The following INPP5F variants were observed in gnomAD, a reference collection of about 807,000 sequenced individuals.
INPP5F encodes the protein phosphatidylinositide 4-phosphatase SAC2.
In INPP5F, 97 loss-of-function variants were observed where a neutral mutation model predicts 137.2. That is an observed-to-expected ratio of 0.71 (90% CI 0.60 to 0.84). INPP5F has a LOEUF of 0.84. INPP5F is among the 40% of genes least tolerant of loss of function. The pLI, the probability that INPP5F is intolerant of heterozygous loss-of-function variation, is 0.00. For missense variants in INPP5F, 1,271 were observed against 1,371.9 expected, an observed-to-expected ratio of 0.93 and a Z score of 1.16; for synonymous variants, 504 against 476.9, an observed-to-expected ratio of 1.06 and a Z score of -0.74.
rs1158714883 is a variant in INPP5F at position 119,792,082 on chromosome 10, T to G, written c.612+46T>G. 3 of 1,614,004 alleles carry G rather than the reference T, an allele frequency of 1.9e-6. No individual in the cohort carries two copies. In the African/African-American group the frequency reaches 4.0e-5, roughly 22 times the overall value. On this transcript the variant is annotated intron_variant, in intron 5 of 19. Coordinates refer to ENST00000650623, the MANE Select transcript of INPP5F (RefSeq NM_014937.4). ...AGCAGGGTTTGCACTTGGGAAGAAG[T>G]GATGGCCTGTTTTGGCTTTTGTAGG...
rs78329502 is a variant in INPP5F, at chr10:119,726,935, AATTGT to A, written c.97+583_97+587del. Among the ~76,000 whole-genome samples, 1,332 of 152,318 alleles carry A rather than the reference AATTGT, an allele frequency of 8.7e-3. 39 individuals carry two copies. The East Asian group carries it at 0.09, about 10-fold the overall frequency. ...TGACTTTAATACCACAGCACAATTAAATTGTATTGTAATGTATAATTTTGAGATTT... is the reference window on the plus strand; with the variant it reads ...TGACTTTAATACCACAGCACAATTAAATTGTAATGTATAATTTTGAGATTT... On this transcript the variant is annotated intron_variant, in intron 1 of 19. Transcript: ENST00000650623.
intron 1 of INPP5F, among the ~76,000 whole-genome samples, chr10:119,735,828 C>T (rs1374082276): frequency 6.6e-6 from 1 of 152,180 alleles, no homozygotes; most frequent in Non-Finnish European, 1.5e-5. Context: ...TAACAAATTA[C>T]ATCGCCTAAA....
rs1285966707 is a variant in INPP5F, at chr10:119,828,205, CAT to C, written c.*426_*427del. On this transcript the variant is annotated 3_prime_UTR_variant, in exon 20 of 20. Transcript: ENST00000650623. ...TCTTACCTCTACAAAGTAAATTACA[CAT>C]TTAGTTTTTAGTGACTTTAACATGT... The C allele has an allele frequency of 6.5e-6, 1 of 154,804 alleles. No individual in the cohort carries two copies. The highest frequency in any genetic ancestry group is 1.4e-5 in the Non-Finnish European group (1 of 69,888). 9.6% of individuals were successfully genotyped at this position (154,804 alleles called of 1,614,324 possible). A position where few individuals can be genotyped will look rare whatever the true frequency, so the allele number is the denominator to read the frequency against.
chr10:119,815,174 TTTA>T (rs1851218351), intron 15 of INPP5F: 1 of 152,470 alleles, frequency 6.6e-6, no homozygotes, highest in African/African-American at 2.4e-5. Context: ...CCTCTACTTC[TTTA>T]TTGTTTTGGG....
Position 119,820,887 on chromosome 10 carries a change from T to C in INPP5F, c.1928T>C (p.Leu643Pro), listed in dbSNP as rs1391243013. The C allele has an allele frequency of 1.2e-6, 2 of 1,612,022 alleles. No homozygotes were observed. Among genetic ancestry groups the C allele is most frequent in the African/African-American group, 2.7e-5 (2 of 74,912 alleles). ...CACAGAGACGTGGATGTGCTGTTAC[T>C]GCTTTCTAACTCTGCCTACTACGTG... ...ATHRDVDVLL[L>P]LSNSAYYVAY... Residue 643 changes from leucine to proline, a missense_variant, in exon 16 of 20, where the codon CTG (leucine) becomes CCG (proline). This residue lies in a region of INPP5F where 593 missense variants were observed against 712.4 expected (regional missense o/e 0.83). Coordinates refer to ENST00000650623, the MANE Select transcript of INPP5F (RefSeq NM_014937.4).
intron 1 of INPP5F, among the ~76,000 whole-genome samples, chr10:119,740,688 A>G (rs1004620281): frequency 1.3e-5 from 2 of 152,014 alleles, no homozygotes; most frequent in African/African-American, 4.8e-5. Flanking sequence ...GATTACAGGC[A>G]CCTGCCACCA....
intron 9 of INPP5F, among the ~76,000 whole-genome samples, chr10:119,799,537 T>C (rs532036053): frequency 2.6e-5 from 4 of 152,146 alleles, no homozygotes; most frequent in Non-Finnish European, 5.9e-5. Context: ...AGCAGGGAAA[T>C]AGCAAACCCT....
At chr10:119,812,722 G>T (rs962597815) in intron 15 of INPP5F, among the ~76,000 whole-genome samples, 1 of 152,082 alleles carries the variant, frequency 6.6e-6, no homozygotes, top group Non-Finnish European at 1.5e-5. Context: ...TTAATCTCAT[G>T]GATTTTTTTC....
intron 16 of INPP5F, 84 bp from the exon 17 acceptor site, chr10:119,822,347 A>G: frequency 1.6e-6 from 1 of 631,820 alleles, no homozygotes; most frequent in South Asian, 2.2e-5. Context: ...TGTATGTAAC[A>G]GTTTGCAGCT....
chr10:119,730,997 C>T (rs1042984874), intron 1 of INPP5F, among the ~76,000 whole-genome samples: 3 of 151,994 alleles, frequency 2.0e-5, no homozygotes, highest in African/African-American at 7.3e-5. Context: ...CCATGTTGGC[C>T]AGGATGCTCT....
At chr10:119,788,841 G>C (rs1174395969) in intron 3 of INPP5F, among the ~76,000 whole-genome samples, 7 of 152,240 alleles carry the variant, frequency 4.6e-5, no homozygotes, top group Admixed American at 2.6e-4. Context: ...CCTGGGTGCA[G>C]ACTAGGTGTG....
intron 14 of INPP5F, among the ~76,000 whole-genome samples, chr10:119,810,540 GT>G (rs1850989065): frequency 6.6e-6 from 1 of 152,084 alleles, no homozygotes; most frequent in Non-Finnish European, 1.5e-5. Context: ...TTCATATTCC[GT>G]TTGTTTTCTC....
intron 3 of INPP5F, among the ~76,000 whole-genome samples, chr10:119,789,225 CAAAAAAA>C (rs71019718): frequency 2.8e-5 from 3 of 107,772 alleles, no homozygotes; most frequent in Non-Finnish European, 5.9e-5. Context: ...AACTCTGTCT[CAAAAAAA>C]AAAAAAAAGA....
chr10:119,821,449 C>G (rs1206727442), intron 16 of INPP5F, among the ~76,000 whole-genome samples: 2 of 152,106 alleles, frequency 1.3e-5, no homozygotes, highest in African/African-American at 4.8e-5. Context: ...GAAAGACTCT[C>G]AATGAACAGT....
intron 6 of INPP5F, among the ~76,000 whole-genome samples, chr10:119,794,749 AC>A (rs1416525983): frequency 0.022 from 957 of 43,230 alleles, 243 homozygotes; most frequent in Admixed American, 0.035. Flanking sequence ...GGGGGGGCTG[AC>A]CCCCCCACCT....
intron 2 of INPP5F, among the ~76,000 whole-genome samples, chr10:119,776,954 T>C (rs1014260874): frequency 1.3e-5 from 2 of 152,144 alleles, no homozygotes; most frequent in Non-Finnish European, 2.9e-5. Context: ...TTTCGCCATG[T>C]TGCCCAGGCT....
chr10:119,827,178 CAG>C lies in INPP5F; in HGVS notation c.2798_2799del (p.Gln933ArgfsTer52), dbSNP rs1182925431. 1.2e-6 allele frequency: 2 copies of C among 1,614,050 alleles called. No individual in the cohort carries two copies. The highest frequency in any genetic ancestry group is 3.3e-5 in the Admixed American group (2 of 60,018). On this transcript the variant is annotated frameshift_variant, in exon 20 of 20. Transcript: ENST00000650623. LOFTEE classifies it high-confidence loss of function. ...VAHGSGLGKG[Q>X]ESPLKKSPSA... ...TCATGGGAGTGGGCTTGGAAAAGGC[CAG>C]GAGTCTCCTTTGAAGAAAAGTCCTT...
chr10:119,822,031 C>T (rs1436432669), intron 16 of INPP5F, among the ~76,000 whole-genome samples: 2 of 151,926 alleles, frequency 1.3e-5, no homozygotes, highest in Admixed American at 1.3e-4. Context: ...GCTGGGATTA[C>T]AGGCGCCTGC....
chr10:119,756,186 A>G lies in INPP5F; in HGVS notation c.178+5030A>G, dbSNP rs192039403. 3.1e-3 allele frequency among the ~76,000 whole-genome samples: 476 copies of G among 152,022 alleles called. 1 individual carries two copies. The highest frequency in any genetic ancestry group is 0.011 in the African/African-American group (468 of 41,488). On this transcript the variant is annotated intron_variant, in intron 2 of 19. Coordinates refer to ENST00000650623, the MANE Select transcript of INPP5F (RefSeq NM_014937.4). ...AACAAACAAAACAAAACAAAAATTC[A>G]ATATATGCTGATTACTATTTTTTTT...
Sources: allele counts gnomAD v4.1 joint callset (sites outside exome capture counted in the v4.1 genomes callset), GRCh38; gene constraint gnomAD v4.1.1; regional missense constraint gnomAD v4.1.1; transcripts MANE v1.5; gene names NCBI Gene and HGNC (gene_info 2026-07-23, HGNC 2026-07-21).